The following CASK variants were observed in gnomAD, a reference collection of about 807,000 sequenced individuals.
CASK encodes the protein calcium/calmodulin dependent serine protein kinase, also known as peripheral plasma membrane protein CASK.
A neutral mutation model predicts 82.9 loss-of-function variants in CASK; 4 were observed. The observed-to-expected ratio is 0.05, with a 90% CI of 0.02 to 0.11. The LOEUF is 0.11. CASK is among the 10% of genes least tolerant of loss of function. The pLI is 1.00. For synonymous variants in CASK, 259 were observed against 253.5 expected, an observed-to-expected ratio of 1.02 and a Z score of -0.20; for missense variants, 358 against 720.9, an observed-to-expected ratio of 0.50 and a Z score of 5.76.
At chrX:41,711,160 C>G (rs781390407) in intron 5 of CASK, among the ~76,000 whole-genome samples, 7 of 111,633 alleles carry the variant, frequency 6.3e-5, no homozygotes, top group African/African-American at 2.3e-4. Context: ...AAGGTGGGGG[C>G]CAGTCTTGGG....
chrX:41,604,537 T>C (rs890015170), intron 12 of CASK, among the ~76,000 whole-genome samples: 3 of 108,807 alleles, frequency 2.8e-5, no homozygotes, highest in Non-Finnish European at 3.8e-5. Flanking sequence ...GGAGGGAGCA[T>C]GCCCCTGCCA....
At chrX:41,750,202 T>C (rs916118181) in intron 3 of CASK, among the ~76,000 whole-genome samples, 3 of 112,327 alleles carry the variant, frequency 2.7e-5, no homozygotes, top group African/African-American at 9.7e-5. Flanking sequence ...TTTCATGAGA[T>C]ATAGAAATAA....
At chrX:41,630,753 A>G (rs1210884286) in intron 9 of CASK, among the ~76,000 whole-genome samples, 3 of 111,843 alleles carry the variant, frequency 2.7e-5, no homozygotes. Context: ...AAAGATAATC[A>G]TCCTATTAGA....
At chrX:41,770,299 C>CTATCTATCTATCTAT (rs1569441729) in intron 3 of CASK, among the ~76,000 whole-genome samples, 3 of 71,917 alleles carry the variant, frequency 4.2e-5, no homozygotes, top group Admixed American at 1.8e-4. Flanking sequence ...TATCTATCTA[C>CTATCTATCTATCTAT]CTACCTACCT....
chrX:41,540,919 C>T (rs1471466770), intron 22 of CASK, among the ~76,000 whole-genome samples: 1 of 112,542 alleles, frequency 8.9e-6, no homozygotes, highest in African/African-American at 3.2e-5. Context: ...GTTTACATGA[C>T]CTCTATTAGT....
At chrX:41,545,826 C>G (rs1480104316) in intron 21 of CASK, among the ~76,000 whole-genome samples, 2 of 109,706 alleles carry the variant, frequency 1.8e-5, no homozygotes, top group Non-Finnish European at 3.8e-5. Context: ...TATAATTCCC[C>G]CCCCACCCCC....
chrX:41,798,523 A>C (rs983239259), intron 2 of CASK, among the ~76,000 whole-genome samples: 3 of 112,871 alleles, frequency 2.7e-5, no homozygotes, highest in African/African-American at 9.6e-5. Flanking sequence ...AGAGCAGTTA[A>C]GTAACTCATT....
At chrX:41,818,726 T>C (rs994942943) in intron 2 of CASK, among the ~76,000 whole-genome samples, 1 of 110,677 alleles carries the variant, frequency 9.0e-6, no homozygotes, top group African/African-American at 3.3e-5. Context: ...CACACAGGTA[T>C]GTACAATCAA....
At chrX:41,862,381 A>G (rs2071506468) in intron 1 of CASK, among the ~76,000 whole-genome samples, 1 of 109,048 alleles carries the variant, frequency 9.2e-6, no homozygotes, top group Non-Finnish European at 1.9e-5. Flanking sequence ...TCTCTACTAA[A>G]AATACAAAAA....
chrX:41,611,931 C>T (rs1207968755), intron 11 of CASK, among the ~76,000 whole-genome samples: 1 of 111,863 alleles, frequency 8.9e-6, no homozygotes, highest in African/African-American at 3.2e-5. Flanking sequence ...CAGCTCCTAA[C>T]CGCGAGTGAT....
chrX:41,873,283 CAA>C (rs1175165867), intron 1 of CASK, among the ~76,000 whole-genome samples: 372 of 31,263 alleles, frequency 0.012, 3 homozygotes, highest in African/African-American at 0.043. Flanking sequence ...TTCTTCCTCA[CAA>C]AAAAAAAAAA....
At chrX:41,608,534 C>A (rs1234501850) in intron 12 of CASK, among the ~76,000 whole-genome samples, 2 of 111,954 alleles carry the variant, frequency 1.8e-5, no homozygotes, top group African/African-American at 6.5e-5. Context: ...ATGATTCTCT[C>A]ATTAAGGGAA....
chrX:41,644,532 A>C (rs377473686), intron 8 of CASK, among the ~76,000 whole-genome samples: 12 of 111,906 alleles, frequency 1.1e-4, no homozygotes, highest in African/African-American at 3.9e-4. Context: ...CAAATTGTAC[A>C]GCATGTGTGT....
intron 5 of CASK, among the ~76,000 whole-genome samples, chrX:41,685,066 C>T (rs781263691): frequency 8.9e-6 from 1 of 111,773 alleles, no homozygotes; most frequent in Non-Finnish European, 1.9e-5. Flanking sequence ...GTTCTCATAA[C>T]TTTTCTATAA....
intron 2 of CASK, among the ~76,000 whole-genome samples, chrX:41,822,557 C>CAAA (rs61374081): frequency 3.9e-5 from 2 of 50,671 alleles, no homozygotes; most frequent in African/African-American, 8.9e-5. Flanking sequence ...GACTCCGTCT[C>CAAA]AAAAAAAAAA....
At chrX:41,879,865 T>C (rs2071914039) in intron 1 of CASK, among the ~76,000 whole-genome samples, 1 of 112,002 alleles carries the variant, frequency 8.9e-6, no homozygotes, top group African/African-American at 3.2e-5. Flanking sequence ...CAGGTAAAAA[T>C]ACACAAGTTG....
intron 1 of CASK, among the ~76,000 whole-genome samples, chrX:41,866,943 G>A (rs1478964763): frequency 1.8e-5 from 2 of 111,316 alleles, no homozygotes; most frequent in Non-Finnish European, 3.8e-5. Context: ...GTCTCCTCAT[G>A]CACACACATA....
At chrX:41,904,806 A>G (rs1477359488) in intron 1 of CASK, among the ~76,000 whole-genome samples, 1 of 111,521 alleles carries the variant, frequency 9.0e-6, no homozygotes, top group African/African-American at 3.3e-5. Context: ...TGTGGGCTCA[A>G]TGTTTATCTC....
At chrX:41,652,143 A>G (rs1244024629) in intron 8 of CASK, among the ~76,000 whole-genome samples, 1 of 111,232 alleles carries the variant, frequency 9.0e-6, no homozygotes, top group Admixed American at 9.6e-5. Context: ...GGTCATATAA[A>G]GGTGCTGAGG....
Sources: gnomAD v4.1 joint callset for allele counts (sites outside exome capture counted in the v4.1 genomes callset) on GRCh38, gnomAD v4.1.1 for gene constraint, MANE v1.5 for transcripts, NCBI Gene and HGNC (gene_info 2026-07-23, HGNC 2026-07-21) for gene names.